Variants in GPM6B observed in about 807,000 individuals in gnomAD.
The protein encoded by GPM6B is neuronal membrane glycoprotein M6-b.
A neutral mutation model predicts 27.2 loss-of-function variants in GPM6B; 4 were observed. That is an observed-to-expected ratio of 0.15 (90% CI 0.07 to 0.34). The LOEUF (loss-of-function observed/expected upper bound fraction) is 0.34. Among genes scored for constraint, GPM6B ranks in the 10% least tolerant of loss-of-function variants. The probability of loss-of-function intolerance (pLI) is 1.00; values close to 1 mark genes in which losing one functional copy is unlikely to be tolerated. For missense variants in GPM6B, 183 were observed against 261.9 expected (o/e 0.70, Z 2.08); for synonymous variants, 124 against 103.1 (o/e 1.20, Z -1.23).
intron 2 of GPM6B, among the ~76,000 whole-genome samples, chrX:13,806,207 C>G (rs1423335152): frequency 9.0e-6 from 1 of 111,567 alleles, no homozygotes; most frequent in Non-Finnish European, 1.9e-5. Flanking sequence ...CTCTGGCAAC[C>G]ATTAACCTAC....
At chrX:13,888,953 C>T (rs956086223) in intron 1 of GPM6B, 2 of 111,886 alleles carry the variant, frequency 1.8e-5, no homozygotes, top group African/African-American at 6.5e-5. Flanking sequence ...CTGTAGGTTT[C>T]TCAGGCTTGA....
chrX:13,802,940 A>G, intron 2 of GPM6B, among the ~76,000 whole-genome samples: 1 of 111,818 alleles, frequency 8.9e-6, no homozygotes, highest in Non-Finnish European at 1.9e-5. Flanking sequence ...GTTATGGTCG[A>G]CACCCAACTA....
intron 1 of GPM6B, among the ~76,000 whole-genome samples, chrX:13,869,868 G>A (rs1305242853): frequency 1.8e-5 from 2 of 111,891 alleles, no homozygotes; most frequent in African/African-American, 6.5e-5. Flanking sequence ...GAACTTATTT[G>A]GATTTCACCA....
intron 1 of GPM6B, among the ~76,000 whole-genome samples, chrX:13,932,119 G>C (rs1017258023): frequency 4.5e-5 from 5 of 111,907 alleles, no homozygotes; most frequent in African/African-American, 1.3e-4. Flanking sequence ...GTGACCAACA[G>C]GGTAATGACC....
Position 13,816,831 on chromosome X carries a change from G to C in GPM6B, c.61+13C>G. ...AAAAGCTTTAAACAGGCTATTGTCA[G>C]AGCGCTGGGTACCTTTTCTCTCTTG... On this transcript the variant is annotated intron_variant, in intron 1 of 7. Transcript: ENST00000316715. The C allele has an allele frequency of 8.3e-7, 1 of 1,210,375 alleles. No individual in the cohort carries two copies. Among genetic ancestry groups the C allele is most frequent in the Non-Finnish European group, 1.1e-6 (1 of 894,630 alleles).
chrX:13,804,832 C>T (rs2048993535), intron 2 of GPM6B, among the ~76,000 whole-genome samples: 2 of 106,420 alleles, frequency 1.9e-5, no homozygotes, highest in African/African-American at 6.9e-5. Flanking sequence ...AAGAGCCATA[C>T]AGAATTCCCT....
chrX:13,773,019 G>C lies in GPM6B; in HGVS notation c.849C>G (p.Leu283=). Residue 283 remains leucine (L), a synonymous_variant, in exon 8 of 8, where the codon CTC becomes CTG. Transcript: ENST00000316715. ...GATVIALIHF[L]MILSSNWAYL... ...AAGCCCAGTTAGAAGACAGTATCAT[G>C]AGGAAGTGGATCTGGAAGAGAAGGG... The C allele has an allele frequency of 5.0e-6, 6 of 1,209,957 alleles. No individual in the cohort carries two copies. The highest frequency in any genetic ancestry group is 6.7e-6 in the Non-Finnish European group (6 of 894,070).
At chrX:13,797,982 G>C (rs1185195520) in intron 2 of GPM6B, among the ~76,000 whole-genome samples, 1 of 110,398 alleles carries the variant, frequency 9.1e-6, no homozygotes, top group African/African-American at 3.3e-5. Context: ...TGCTTGGGGA[G>C]AGTGGGAGCA....
intron 3 of GPM6B, 116 bp from the exon 4 acceptor site, chrX:13,783,637 C>T (rs2048558560): frequency 1.6e-6 from 1 of 629,828 alleles, no homozygotes. Context: ...GTCACTCGCC[C>T]CACTGATGGC....
intron 1 of GPM6B, among the ~76,000 whole-genome samples, chrX:13,923,234 T>G (rs749161692): frequency 9.0e-6 from 1 of 110,746 alleles, no homozygotes; most frequent in Admixed American, 9.6e-5. Context: ...GGGATACTGC[T>G]GCCCAGGGAC....
intron 1 of GPM6B, among the ~76,000 whole-genome samples, chrX:13,884,579 C>T (rs890785010): frequency 5.3e-5 from 6 of 112,240 alleles, no homozygotes; most frequent in Non-Finnish European, 7.5e-5. Context: ...ACCTATCAAT[C>T]GATAATGCAA....
intron 2 of GPM6B, among the ~76,000 whole-genome samples, chrX:13,795,030 A>G (rs754137876): frequency 1.8e-5 from 2 of 112,520 alleles, no homozygotes. Flanking sequence ...AACTGATAGT[A>G]TCTGTTGCCA....
chrX:13,888,511 G>A (rs191685134), intron 1 of GPM6B, among the ~76,000 whole-genome samples: 3 of 111,866 alleles, frequency 2.7e-5, no homozygotes, highest in Non-Finnish European at 5.6e-5. Context: ...TGTGCACACT[G>A]CCGCATTATG....
intron 1 of GPM6B, among the ~76,000 whole-genome samples, chrX:13,887,486 T>G (rs1407161318): frequency 3.6e-5 from 4 of 111,745 alleles, no homozygotes; most frequent in Non-Finnish European, 7.5e-5. Context: ...GTCACAGATT[T>G]GAGCCTCCTG....
intron 2 of GPM6B, among the ~76,000 whole-genome samples, chrX:13,791,478 A>G (rs995791038): frequency 3.6e-5 from 4 of 111,924 alleles, no homozygotes; most frequent in Non-Finnish European, 5.6e-5. Context: ...ACCTCTCACC[A>G]AACCCTAAAA....
At chrX:13,846,353 G>C (rs1229544538) in intron 1 of GPM6B, among the ~76,000 whole-genome samples, 1 of 110,301 alleles carries the variant, frequency 9.1e-6, no homozygotes, top group Non-Finnish European at 1.9e-5. Context: ...CTTATTTCCA[G>C]TCCACTTCTT....
chrX:13,932,520 A>G (rs775251451), intron 1 of GPM6B, among the ~76,000 whole-genome samples: 7 of 112,230 alleles, frequency 6.2e-5, no homozygotes, highest in African/African-American at 2.3e-4. Flanking sequence ...AAGACTTAGC[A>G]CAGTACTTGG....
chrX:13,911,915 C>A (rs17300793), intron 1 of GPM6B, among the ~76,000 whole-genome samples: 45,700 of 111,156 alleles, frequency 0.41, 7,992 homozygotes, highest in Non-Finnish European at 0.56. Context: ...AGTTTGCTAC[C>A]AAAGTGTTGG....
upstream of GPM6B, chrX:13,817,223 G>A: frequency 1.2e-6 from 1 of 857,815 alleles, no homozygotes; most frequent in Non-Finnish European, 1.4e-6. Context: ...GGGAGTTGGG[G>A]GTAGGGGGGT....
Sources: allele counts gnomAD v4.1 joint callset (sites outside exome capture counted in the v4.1 genomes callset), GRCh38; gene constraint gnomAD v4.1.1; transcripts MANE v1.5; gene names NCBI Gene and HGNC (gene_info 2026-07-23, HGNC 2026-07-21).